ACOX2: variants seen among roughly 807,000 people sequenced by gnomAD.
ACOX2 encodes the protein peroxisomal acyl-coenzyme A oxidase 2.
ACOX2 carries 59 observed loss-of-function variants against 77.5 expected under a neutral mutation model. That is an observed-to-expected ratio of 0.76 (90% confidence interval 0.62 to 0.95). The LOEUF (loss-of-function observed/expected upper bound fraction) is 0.95. ACOX2 is among the 40% of genes least tolerant of loss of function. ACOX2 has a pLI of 0.00. For missense variants in ACOX2, 837 were observed against 880.4 expected, an observed-to-expected ratio of 0.95 and a Z score of 0.62; for synonymous variants, 317 against 340.1, an observed-to-expected ratio of 0.93 and a Z score of 0.75.
Position 58,514,215 on chromosome 3 carries a change from A to C in ACOX2, c.1850+2991T>G, listed in dbSNP as rs2063306574. 1.3e-5 allele frequency among the ~76,000 whole-genome samples: 2 copies of C among 152,142 alleles called. No homozygotes were observed. The highest frequency in any genetic ancestry group is 2.9e-5 in the Non-Finnish European group (2 of 68,014). ...CAGCACTTTGGGAGGCTAAGGTAGG[A>C]GGATCCCTTGAGCCCAGGAGTTCAA... On this transcript the variant is annotated intron_variant, in intron 13 of 14. Transcript: ENST00000302819. This position sits in a 1 kb window ranked among gnomAD's most constrained non-coding sequence, Gnocchi z 4.3.
At position 58,524,746 on chromosome 3, in the gene ACOX2, C is replaced by T. The variant is rs963468587; in HGVS notation, c.1347-141G>A. On this transcript the variant is annotated intron_variant, in intron 10 of 14. Coordinates refer to ENST00000302819, the MANE Select transcript of ACOX2 (RefSeq NM_003500.4). The surrounding 1 kb of genome is among the most constrained non-coding windows in gnomAD (Gnocchi z 5.5). ...GCCAGGTCACCAGGCCTCTGCCTGG[C>T]CTCCCTCCTGAGGGTTCCCCCTCGG... 2.6e-5 allele frequency: 25 copies of T among 953,938 alleles called. No individual in the cohort carries two copies. The African/African-American group carries it at 3.8e-4, about 14-fold the overall frequency. 59.1% of individuals were successfully genotyped at this position (953,938 alleles called of 1,614,324 possible). A position where few individuals can be genotyped will look rare whatever the true frequency, so the allele number is the denominator to read the frequency against.
In ACOX2 at chr3:58,524,296, C is replaced by T; in HGVS notation, c.1526+130G>A. ...CCCATGGTGGCAGGAACTGAGAGGA[C>T]CGGGGAGGCTAGGCATGGGGTGGTT... On this transcript the variant is annotated intron_variant, in intron 11 of 14. Transcript: ENST00000302819. This position sits in a 1 kb window ranked among gnomAD's most constrained non-coding sequence, Gnocchi z 5.5. 8.4e-7 allele frequency: 1 copy of T among 1,186,436 alleles called. No individual in the cohort carries two copies. The highest frequency in any genetic ancestry group is 1.2e-6 in the Non-Finnish European group (1 of 860,282). 73.5% of individuals were successfully genotyped at this position (1,186,436 alleles called of 1,614,324 possible). A position where few individuals can be genotyped will look rare whatever the true frequency, so the allele number is the denominator to read the frequency against.
At chr3:58,513,494 T>C (rs1410222623) in intron 13 of ACOX2, among the ~76,000 whole-genome samples, 2 of 152,180 alleles carry the variant, frequency 1.3e-5, no homozygotes, top group African/African-American at 2.4e-5. Context: ...AGTCCTTACA[T>C]TGAGTTTTTC....
rs149888394 is a variant in ACOX2, at chr3:58,530,617, C to T, written c.841G>A (p.Val281Ile). Residue 281 changes from valine to isoleucine, a missense_variant, in exon 8 of 15, where the codon GTC (valine) becomes ATC (isoleucine). Coordinates refer to ENST00000302819, the MANE Select transcript of ACOX2 (RefSeq NM_003500.4). ...TTGCTCTGTGCTGTACCGAGTTTGACGTAGGTGCCATCTGGCAAGACCTGT... is the reference window on the plus strand; with the variant it reads ...TTGCTCTGTGCTGTACCGAGTTTGATGTAGGTGCCATCTGGCAAGACCTGT... ...FAQVLPDGTY[V>I]KLGTAQSNYL... is the part of the protein sequence containing the mutation. 1.7e-4 allele frequency: 269 copies of T among 1,614,156 alleles called. 1 individual carries two copies. Among genetic ancestry groups the T allele is most frequent in the South Asian group, 9.4e-4 (86 of 91,066 alleles).
At chr3:58,530,841 C>G (rs1038912118) in intron 7 of ACOX2, among the ~76,000 whole-genome samples, 2 of 152,152 alleles carry the variant, frequency 1.3e-5, no homozygotes, top group Non-Finnish European at 2.9e-5. Context: ...GACCTCCCCA[C>G]GACCCATAAC....
At chr3:58,509,679 C>T (rs2063264047) in intron 13 of ACOX2, among the ~76,000 whole-genome samples, 1 of 139,238 alleles carries the variant, frequency 7.2e-6, no homozygotes. Flanking sequence ...AATCTCAGCT[C>T]ACTGCAACCT....
chr3:58,529,232 C>T (rs765025649), intron 8 of ACOX2: 20 of 248,470 alleles, frequency 8.0e-5, no homozygotes, highest in Middle Eastern at 1.1e-3. Context: ...TATCCTAAAA[C>T]CTGAAAAGTT....
Position 58,515,628 on chromosome 3 carries a change from T to G in ACOX2, c.1850+1578A>C, listed in dbSNP as rs1018987803. Among the ~76,000 whole-genome samples the G allele has an allele frequency of 1.3e-5, 2 of 152,188 alleles. No individual in the cohort carries two copies. Among genetic ancestry groups the G allele is most frequent in the African/African-American group, 4.8e-5 (2 of 41,458 alleles). On this transcript the variant is annotated intron_variant, in intron 13 of 14. Transcript: ENST00000302819. This position sits in a 1 kb window ranked among gnomAD's most constrained non-coding sequence, Gnocchi z 4.0. ...TTTCTTTTTATTAGTCTTGTTGATA[T>G]AAGAATTGTTGGAGATTCTAGGAGT...
Position 58,533,172 on chromosome 3 carries a change from G to C in ACOX2, c.583+273C>G, listed in dbSNP as rs1391245763. Reference sequence around the variant, plus strand: ...TGTGTGTTTGTGCGTGTGTGTGTGAGTGAGGCCTTGTCTCTCATGGATCGA... The same window carrying C: ...TGTGTGTTTGTGCGTGTGTGTGTGACTGAGGCCTTGTCTCTCATGGATCGA... On this transcript the variant is annotated intron_variant, in intron 5 of 14. Coordinates refer to ENST00000302819, the MANE Select transcript of ACOX2 (RefSeq NM_003500.4). This position sits in a 1 kb window ranked among gnomAD's most constrained non-coding sequence, Gnocchi z 5.6. Among the ~76,000 whole-genome samples, 1 of 152,176 alleles carries C rather than the reference G, an allele frequency of 6.6e-6. No individual in the cohort carries two copies. Among genetic ancestry groups the C allele is most frequent in the Non-Finnish European group, 1.5e-5 (1 of 68,032 alleles).
At position 58,533,550 on chromosome 3, in the gene ACOX2, T is replaced by A; in HGVS notation, c.478A>T (p.Thr160Ser). The A allele has an allele frequency of 1.9e-6, 3 of 1,613,886 alleles. No individual in the cohort carries two copies. Among genetic ancestry groups the A allele is most frequent in the Non-Finnish European group, 2.5e-6 (3 of 1,179,888 alleles). ...TYAQTELGHG[T>S]YLQGLETEAT... ...TCAGTCTCCAGGCCCTGAAGATATG[T>A]CCCTTAGGATCAAGGAGAGGTGTTA... The change falls in exon 5 of 15, where the codon ACA becomes TCA. Residue 160 changes from threonine to serine, a missense_variant and splice_region_variant. Thr to Ser is a moderately conservative substitution (Grantham distance 58). Coordinates refer to ENST00000302819, the MANE Select transcript of ACOX2 (RefSeq NM_003500.4). This position sits in a 1 kb window ranked among gnomAD's most constrained non-coding sequence, Gnocchi z 5.6.
At chr3:58,507,181 A>G (rs972868955) in intron 14 of ACOX2, among the ~76,000 whole-genome samples, 17 of 152,346 alleles carry the variant, frequency 1.1e-4, no homozygotes, top group African/African-American at 3.4e-4. Flanking sequence ...TGTATGCAGC[A>G]GATTCCTTTG....
chr3:58,522,704 G>T lies in ACOX2; in HGVS notation c.1527-103C>A. On this transcript the variant is annotated intron_variant, in intron 11 of 14. Coordinates refer to ENST00000302819, the MANE Select transcript of ACOX2 (RefSeq NM_003500.4). This position sits in a 1 kb window ranked among gnomAD's most constrained non-coding sequence, Gnocchi z 4.3. ...GAAGTAGAAATAATGCCTGTTTATT[G>T]ACCACTTATGTGCCATAAAGCTAAA... 2 of 968,586 alleles carry T rather than the reference G, an allele frequency of 2.1e-6. No individual in the cohort carries two copies. The highest frequency in any genetic ancestry group is 2.7e-5 in the South Asian group (2 of 73,802). 60.0% of individuals were successfully genotyped at this position (968,586 alleles called of 1,614,324 possible). A position where few individuals can be genotyped will look rare whatever the true frequency, so the allele number is the denominator to read the frequency against.
In ACOX2 at chr3:58,534,102, C is replaced by G. The variant is rs753589589; in HGVS notation, c.367G>C (p.Val123Leu). ...DVALNIHRVF[V>L]RALRSLGSEE... Reference sequence around the variant, plus strand: ...GAGCCCAGGCTCCTGAGGGCTCTCACGAAGACTCTGTGTATATTTAAGGCC... The same window carrying G: ...GAGCCCAGGCTCCTGAGGGCTCTCAGGAAGACTCTGTGTATATTTAAGGCC... Residue 123 changes from valine (V) to leucine (L), a missense_variant, in exon 4 of 15, where the codon GTG (valine) becomes CTG (leucine). By Grantham distance (32) the Val-to-Leu change is conservative (BLOSUM62 1). Transcript: ENST00000302819. The surrounding 1 kb of genome is among the most constrained non-coding windows in gnomAD (Gnocchi z 4.8). The G allele has an allele frequency of 6.2e-7, 1 of 1,614,162 alleles. No individual in the cohort carries two copies. The highest frequency in any genetic ancestry group is 8.5e-7 in the Non-Finnish European group (1 of 1,180,030).
In ACOX2 at chr3:58,526,502, T is replaced by C; in HGVS notation, c.1310A>G (p.Glu437Gly). Residue 437 changes from glutamate to glycine, a missense_variant, in exon 10 of 15, where the codon GAG becomes GGG. Glu to Gly is a moderately conservative substitution (Grantham distance 98). Transcript: ENST00000302819. This position sits in a 1 kb window ranked among gnomAD's most constrained non-coding sequence, Gnocchi z 4.3. The stretch of plus-strand genomic sequence containing the variant: ...CAGGTAGAGCACTGTGTTCTCACCC[T>C]CGTAGGTACAGGAGGCCGACAATTT... ...VTKLSASCTY[E>G]GENTVLYLQV... 1 of 1,614,120 alleles carries C rather than the reference T, an allele frequency of 6.2e-7. No homozygotes were observed. Among genetic ancestry groups the C allele is most frequent in the Non-Finnish European group, 8.5e-7 (1 of 1,180,002 alleles).
chr3:58,530,473 G>A lies in ACOX2; in HGVS notation c.985C>T (p.Arg329Trp), dbSNP rs529115485. The A allele has an allele frequency of 6.2e-6, 10 of 1,613,902 alleles. No individual in the cohort carries two copies. The highest frequency in any genetic ancestry group is 5.0e-5 in the Admixed American group (3 of 60,018). The change falls in exon 8 of 15, where the codon CGG becomes TGG. Residue 329 changes from arginine to tryptophan, a missense_variant. Coordinates refer to ENST00000302819, the MANE Select transcript of ACOX2 (RefSeq NM_003500.4). ...YSVIRRQSRL[R>W]PSDPEAKVLD... Reference sequence around the variant, plus strand: ...TCACTGGGCACCCCTTGCCTGGGCCGGAGCCGGGATTGGCGGCGGATGACC... The same window carrying A: ...TCACTGGGCACCCCTTGCCTGGGCCAGAGCCGGGATTGGCGGCGGATGACC...
rs2063359042 is a variant in ACOX2 at position 58,521,622 on chromosome 3, G to A, written c.1632+874C>T. 6.6e-6 allele frequency among the ~76,000 whole-genome samples: 1 copy of A among 152,188 alleles called. No individual in the cohort carries two copies. Among genetic ancestry groups the A allele is most frequent in the Non-Finnish European group, 1.5e-5 (1 of 68,024 alleles). On this transcript the variant is annotated intron_variant, in intron 12 of 14. Coordinates refer to ENST00000302819, the MANE Select transcript of ACOX2 (RefSeq NM_003500.4). This position sits in a 1 kb window ranked among gnomAD's most constrained non-coding sequence, Gnocchi z 4.8. Reference sequence around the variant, plus strand: ...TCATTCCATCCTGGGCAACCTGCATGATTCTTCTAGAATGAAACTGATCAC... The same window carrying A: ...TCATTCCATCCTGGGCAACCTGCATAATTCTTCTAGAATGAAACTGATCAC...
In ACOX2 at chr3:58,505,638, G is replaced by A. The variant is rs547802796; in HGVS notation, c.1984-352C>T. ...GAACCAGATAGGGATCATATAAGCA[G>A]TATTCTAGGTCCGACTAGGTTATCC... On this transcript the variant is annotated intron_variant, in intron 14 of 14. Transcript: ENST00000302819. This position sits in a 1 kb window ranked among gnomAD's most constrained non-coding sequence, Gnocchi z 4.4. Among the ~76,000 whole-genome samples, 6 of 152,306 alleles carry A rather than the reference G, an allele frequency of 3.9e-5. No individual in the cohort carries two copies. The South Asian group carries it at 1.2e-3, about 32-fold the overall frequency.
chr3:58,531,845 G>A lies in ACOX2; in HGVS notation c.584-33C>T, dbSNP rs1439319778. ...CAGAGAGAGTAGCGGCCCGTCACAGGAAGACCTGTGCATTGCTTTTCCCAA... is the reference window on the plus strand; with the variant it reads ...CAGAGAGAGTAGCGGCCCGTCACAGAAAGACCTGTGCATTGCTTTTCCCAA... On this transcript the variant is annotated intron_variant, in intron 5 of 14. Coordinates refer to ENST00000302819, the MANE Select transcript of ACOX2 (RefSeq NM_003500.4). The surrounding 1 kb of genome is among the most constrained non-coding windows in gnomAD (Gnocchi z 5.8). 9 of 1,601,518 alleles carry A rather than the reference G, an allele frequency of 5.6e-6. No homozygotes were observed. Among genetic ancestry groups the A allele is most frequent in the Non-Finnish European group, 7.7e-6 (9 of 1,174,718 alleles).
At chr3:58,530,837 C>T (rs990746038) in intron 7 of ACOX2, among the ~76,000 whole-genome samples, 199 bp from the exon 8 acceptor site, 1 of 152,198 alleles carries the variant, frequency 6.6e-6, no homozygotes, top group African/African-American at 2.4e-5. Context: ...CCCGGACCTC[C>T]CCACGACCCA....
Sources: gnomAD v4.1 joint callset for allele counts (sites outside exome capture counted in the v4.1 genomes callset) on GRCh38, gnomAD v4.1.1 for gene constraint, Gnocchi (gnomAD v3.1) non-coding constraint, MANE v1.5 for transcripts, NCBI Gene and HGNC (gene_info 2026-07-23, HGNC 2026-07-21) for gene names.